KHDRBS2: variants seen among roughly 807,000 people sequenced by gnomAD.
The protein encoded by KHDRBS2 is KH domain-containing, RNA-binding, signal transduction-associated protein 2.
In KHDRBS2, 26 loss-of-function variants were observed where a neutral mutation model predicts 44.3. The observed-to-expected ratio is 0.59, with a 90% CI of 0.43 to 0.81. The LOEUF is 0.81. Ranked by LOEUF, KHDRBS2 falls within the 40% of genes least tolerant of loss-of-function variation. The pLI is 0.00. For synonymous variants in KHDRBS2, 194 were observed against 151.1 expected, an observed-to-expected ratio of 1.28 and a Z score of -2.08; for missense variants, 476 against 433.1, an observed-to-expected ratio of 1.10 and a Z score of -0.88.
chr6:61,645,134 C>G, the KHDRBS2 span, among the ~76,000 whole-genome samples: 1 of 152,076 alleles, frequency 6.6e-6, no homozygotes, highest in South Asian at 2.1e-4. Context: ...ACTATGCAGC[C>G]ATAAAAAATG....
At chr6:61,691,511 A>G (rs1299868742) in intron 8 of KHDRBS2, among the ~76,000 whole-genome samples, 1 of 152,062 alleles carries the variant, frequency 6.6e-6, no homozygotes, top group Non-Finnish European at 1.5e-5. Context: ...GCACAGTCCT[A>G]TTTTCCCCAT....
intron 2 of KHDRBS2, among the ~76,000 whole-genome samples, chr6:62,108,462 G>C (rs564206641): frequency 1.1e-4 from 16 of 152,254 alleles, no homozygotes; most frequent in African/African-American, 3.9e-4. Context: ...TGCTGGAGAG[G>C]ATGTGGAGAA....
intron 4 of KHDRBS2, among the ~76,000 whole-genome samples, chr6:61,966,970 C>T (rs943939980): frequency 6.6e-6 from 1 of 151,212 alleles, no homozygotes; most frequent in Non-Finnish European, 1.5e-5. Context: ...TTTAAAATTC[C>T]TAATTATGTT....
chr6:62,063,588 G>C (rs888143237), intron 2 of KHDRBS2, among the ~76,000 whole-genome samples: 1 of 151,588 alleles, frequency 6.6e-6, no homozygotes, highest in Non-Finnish European at 1.5e-5. Context: ...AACCCTTCAT[G>C]ATAAAAACTC....
chr6:61,816,957 G>C (rs1031183189), intron 6 of KHDRBS2: 1 of 455,548 alleles, frequency 2.2e-6, no homozygotes, highest in Non-Finnish European at 4.4e-6. Flanking sequence ...CAACTTACCT[G>C]GTGAGATTTT....
At chr6:62,111,416 T>C (rs1804960561) in intron 2 of KHDRBS2, among the ~76,000 whole-genome samples, 2 of 152,236 alleles carry the variant, frequency 1.3e-5, no homozygotes, top group South Asian at 4.1e-4. Context: ...GCCTCTGTCA[T>C]GGTATAGTAT....
chr6:62,063,240 A>C (rs1335805532), intron 2 of KHDRBS2, among the ~76,000 whole-genome samples: 1 of 143,540 alleles, frequency 7.0e-6, no homozygotes. Flanking sequence ...AACTATTCCA[A>C]TCAATAGAAA....
At chr6:62,284,399 C>G (rs1374211336) in intron 1 of KHDRBS2, among the ~76,000 whole-genome samples, 1 of 152,058 alleles carries the variant, frequency 6.6e-6, no homozygotes, top group Admixed American at 6.6e-5. Context: ...ATTAAAGATA[C>G]TGAAGACTGG....
chr6:61,897,185 A>G (rs1475185373), intron 5 of KHDRBS2, among the ~76,000 whole-genome samples: 3 of 152,124 alleles, frequency 2.0e-5, no homozygotes, highest in African/African-American at 7.2e-5. Context: ...TCTTTTGAAA[A>G]TTCCAAATTC....
At chr6:61,592,643 A>C in the KHDRBS2 span, among the ~76,000 whole-genome samples, 1 of 152,182 alleles carries the variant, frequency 6.6e-6, no homozygotes, top group Non-Finnish European at 1.5e-5. Flanking sequence ...CTAACTCAAA[A>C]TATTTCAAAG....
the KHDRBS2 span, among the ~76,000 whole-genome samples, chr6:61,629,934 T>C: frequency 3.3e-3 from 502 of 152,344 alleles, 2 homozygotes; most frequent in Non-Finnish European, 4.8e-3. Context: ...AAATATAATC[T>C]TGTAGTTCTT....
intron 2 of KHDRBS2, among the ~76,000 whole-genome samples, chr6:62,071,378 C>T (rs180969236): frequency 3.2e-3 from 484 of 152,264 alleles, no homozygotes; most frequent in Non-Finnish European, 5.1e-3. Flanking sequence ...GCTTTTGTTG[C>T]CATTGCTTTT....
At chr6:61,557,497 C>T in the KHDRBS2 span, among the ~76,000 whole-genome samples, 4 of 152,088 alleles carry the variant, frequency 2.6e-5, no homozygotes, top group Admixed American at 6.5e-5. Flanking sequence ...GCTTTCATTG[C>T]CTTTCCTTTC....
chr6:61,660,688 T>A, the KHDRBS2 span, among the ~76,000 whole-genome samples: 27 of 151,898 alleles, frequency 1.8e-4, no homozygotes, highest in Admixed American at 1.2e-3. Flanking sequence ...CTGGGTTCTG[T>A]TCTACCCTAC....
chr6:62,077,845 A>G (rs950015635), intron 2 of KHDRBS2, among the ~76,000 whole-genome samples: 5 of 152,098 alleles, frequency 3.3e-5, no homozygotes, highest in African/African-American at 4.8e-5. Flanking sequence ...GCTATATCAC[A>G]AAGCAATATG....
chr6:62,036,269 CACTCAACTTTATAGAGGCCATATTATA>C (rs1398369107), intron 3 of KHDRBS2, among the ~76,000 whole-genome samples: 3 of 152,008 alleles, frequency 2.0e-5, no homozygotes, highest in African/African-American at 4.8e-5. Context: ...ATATCTAAAC[CACTCAACTTTATAGAGGCCATATTATA>C]ATGAACCAGT....
chr6:61,710,362 T>C (rs1775968909), intron 7 of KHDRBS2, among the ~76,000 whole-genome samples: 3 of 151,738 alleles, frequency 2.0e-5, no homozygotes, highest in South Asian at 2.1e-4. Flanking sequence ...TTTGTCTTTG[T>C]TTACCATCAC....
chr6:61,773,021 T>G (rs1290745117), intron 6 of KHDRBS2, among the ~76,000 whole-genome samples: 2 of 152,246 alleles, frequency 1.3e-5, no homozygotes, highest in African/African-American at 4.8e-5. Context: ...GTGCCACATT[T>G]TCTTCATCCA....
intron 6 of KHDRBS2, among the ~76,000 whole-genome samples, chr6:61,757,602 C>G (rs1448895056): frequency 6.6e-6 from 1 of 152,100 alleles, no homozygotes; most frequent in African/African-American, 2.4e-5. Context: ...TGGTTTAAAA[C>G]TATCATCTCG....
Sources: gnomAD v4.1 joint callset for allele counts (sites outside exome capture counted in the v4.1 genomes callset) on GRCh38, gnomAD v4.1.1 for gene constraint, MANE v1.5 for transcripts, NCBI Gene and HGNC (gene_info 2026-07-23, HGNC 2026-07-21) for gene names.